RASSF3: variants seen among roughly 807,000 people sequenced by gnomAD.
The protein encoded by RASSF3 is Ras association domain family member 3.
Under a neutral mutation model 19.9 loss-of-function variants are expected in RASSF3, and 19 were observed. The observed-to-expected ratio is 0.96, with a 90% CI of 0.67 to 1.40. The LOEUF (loss-of-function observed/expected upper bound fraction) is 1.40. Among genes scored for constraint, RASSF3 ranks in the 40% most tolerant of loss-of-function variants. The probability of loss-of-function intolerance (pLI) is 0.00; values close to 1 mark genes in which losing one functional copy is unlikely to be tolerated. For synonymous variants in RASSF3, 110 were observed against 104.2 expected (o/e 1.06, Z -0.34); for missense variants, 306 against 289.8 (o/e 1.06, Z -0.41).
intron 2 of RASSF3, among the ~76,000 whole-genome samples, chr12:64,597,366 C>T (rs985382805): frequency 2.0e-5 from 3 of 151,950 alleles, no homozygotes; most frequent in Non-Finnish European, 4.4e-5. Flanking sequence ...TTCCTGACCT[C>T]GTGATCCACC....
intron 2 of RASSF3, among the ~76,000 whole-genome samples, chr12:64,597,171 T>C (rs2136143394): frequency 6.6e-6 from 1 of 152,114 alleles, no homozygotes; most frequent in East Asian, 1.9e-4. Flanking sequence ...CTTGCTCTGT[T>C]GCCCAGACTG....
chr12:64,679,862 C>T (rs1873055530), intron 1 of RASSF3, among the ~76,000 whole-genome samples: 2 of 152,186 alleles, frequency 1.3e-5, no homozygotes, highest in South Asian at 2.1e-4. Context: ...CGCTCTCAGG[C>T]GTGGCATGAT....
rs561233831 is a variant in RASSF3 at position 64,610,675 on chromosome 12, T to G, written c.43T>G (p.Phe15Val). The change falls in exon 1 of 5, where the codon TTC (phenylalanine) becomes GTC (valine). Residue 15 changes from phenylalanine to valine, a missense_variant. Transcript: ENST00000542104. ...CAGCCTGGAGGAGGACGCCGAGGACTTCTTCTTCACCGCCAGGACCTCCTT... is the reference window on the plus strand; with the variant it reads ...CAGCCTGGAGGAGGACGCCGAGGACGTCTTCTTCACCGCCAGGACCTCCTT... Reference protein sequence around the residue: ...YSSLEEDAEDFFFTARTSFFR... With the variant: ...YSSLEEDAEDVFFTARTSFFR... 8.8e-6 allele frequency: 14 copies of G among 1,592,932 alleles called. No homozygotes were observed. Among genetic ancestry groups the G allele is most frequent in the South Asian group, 7.9e-5 (7 of 89,020 alleles).
rs761558923 is a variant in RASSF3, at chr12:64,610,755, G to A, written c.111+12G>A. The A allele has an allele frequency of 1.6e-5, 25 of 1,559,206 alleles. No individual in the cohort carries two copies. The highest frequency in any genetic ancestry group is 2.0e-5 in the Non-Finnish European group (23 of 1,147,786). On this transcript the variant is annotated intron_variant, in intron 1 of 4. Coordinates refer to ENST00000542104, the MANE Select transcript of RASSF3 (RefSeq NM_178169.4). ...GCTCCGGCCAACAAGTGAGTGGCGC[G>A]CGGCGGGCGCTGCAGCCCGCGCCCC...
chr12:64,623,761 G>A (rs1870882006), intron 1 of RASSF3, among the ~76,000 whole-genome samples: 1 of 150,728 alleles, frequency 6.6e-6, no homozygotes, highest in African/African-American at 2.5e-5. Context: ...TCATGCCTCA[G>A]CTTCCCGAGT....
At chr12:64,598,215 G>A (rs972230646) in intron 2 of RASSF3, among the ~76,000 whole-genome samples, 8 of 152,142 alleles carry the variant, frequency 5.3e-5, no homozygotes, top group Admixed American at 1.3e-4. Context: ...CACCTTGCCC[G>A]GCCCTTGACC....
chr12:64,690,511 T>TGAA (rs1868266033), intron 3 of RASSF3, among the ~76,000 whole-genome samples: 1 of 152,012 alleles, frequency 6.6e-6, no homozygotes, highest in African/African-American at 2.4e-5. Context: ...CGTCTTACTC[T>TGAA]GTCACCTAGG....
At position 64,658,079 on chromosome 12, in the gene RASSF3, G is replaced by A. The variant is rs61583185; in HGVS notation, c.112-26708G>A. Reference sequence around the variant, plus strand: ...AAAAATAAATAAATTGTCAGGTTGCGTTATGCTCCCCTGTGGTAGAAGTGT... The same window carrying A: ...AAAAATAAATAAATTGTCAGGTTGCATTATGCTCCCCTGTGGTAGAAGTGT... On this transcript the variant is annotated intron_variant, in intron 1 of 4. Coordinates refer to ENST00000542104, the MANE Select transcript of RASSF3 (RefSeq NM_178169.4). 7.0e-3 allele frequency among the ~76,000 whole-genome samples: 1,070 copies of A among 152,196 alleles called. 15 individuals carry two copies. The highest frequency in any genetic ancestry group is 0.025 in the African/African-American group (1,029 of 41,520).
chr12:64,634,650 A>G (rs1871270716), intron 1 of RASSF3, among the ~76,000 whole-genome samples: 2 of 151,092 alleles, frequency 1.3e-5, no homozygotes, highest in African/African-American at 4.9e-5. Flanking sequence ...ATTCTCGGCT[A>G]CTCCGGAGGC....
At chr12:64,558,080 G>A (rs1409603425) in intron 2 of RASSF3, among the ~76,000 whole-genome samples, 2 of 152,248 alleles carry the variant, frequency 1.3e-5, no homozygotes, top group African/African-American at 4.8e-5. Context: ...CAATATAGTA[G>A]GCTTGCCAAA....
At position 64,641,414 on chromosome 12, in the gene RASSF3, A is replaced by ACACACACACACACACGCGCGCGCGCGCG; in HGVS notation, c.111+30672_111+30673insACACACACACACACGCGCGCGCGCGCGC. On this transcript the variant is annotated intron_variant, in intron 1 of 4. Coordinates refer to ENST00000542104, the MANE Select transcript of RASSF3 (RefSeq NM_178169.4). ...CTGTCTCACAGGCGCACACACACAC[A>ACACACACACACACACGCGCGCGCGCGCG]CGCGCGCGCGCGCGTTGAAAACAAA... 2.9e-3 allele frequency among the ~76,000 whole-genome samples: 408 copies of ACACACACACACACACGCGCGCGCGCGCG among 142,122 alleles called. 2 individuals are homozygous for ACACACACACACACACGCGCGCGCGCGCG. The highest frequency in any genetic ancestry group is 0.011 in the African/African-American group (388 of 35,688). The allele number at this position is 142,122 out of a possible 152,430, so 93.2% of individuals were successfully genotyped here.
At chr12:64,644,669 C>G (rs1050323170) in intron 1 of RASSF3, among the ~76,000 whole-genome samples, 9 of 150,392 alleles carry the variant, frequency 6.0e-5, no homozygotes, top group African/African-American at 2.2e-4. Context: ...TACACTCCAG[C>G]CTGGGCAGCA....
intron 1 of RASSF3, among the ~76,000 whole-genome samples, chr12:64,635,302 C>G (rs149940955): frequency 6.6e-6 from 1 of 152,048 alleles, no homozygotes; most frequent in Non-Finnish European, 1.5e-5. Context: ...GATGACCCCT[C>G]GTATCTGTAT....
intron 2 of RASSF3, among the ~76,000 whole-genome samples, chr12:64,601,743 G>T (rs777649121): frequency 6.6e-6 from 1 of 152,026 alleles, no homozygotes; most frequent in African/African-American, 2.4e-5. Flanking sequence ...ACCCTGGGAG[G>T]GGGAGGCTTC....
At chr12:64,571,213 A>AAAAAAT (rs1420404289) in intron 2 of RASSF3, among the ~76,000 whole-genome samples, 1 of 152,150 alleles carries the variant, frequency 6.6e-6, no homozygotes, top group Non-Finnish European at 1.5e-5. Context: ...CTCCATCTCA[A>AAAAAAT]AAAAATAAAA....
chr12:64,642,145 T>C (rs558852806), intron 1 of RASSF3, among the ~76,000 whole-genome samples: 1 of 152,332 alleles, frequency 6.6e-6, no homozygotes, highest in African/African-American at 2.4e-5. Context: ...TAAAATGTTC[T>C]GGTTGACAGC....
chr12:64,562,500 G>A (rs890541288), intron 2 of RASSF3, among the ~76,000 whole-genome samples: 3 of 152,054 alleles, frequency 2.0e-5, no homozygotes, highest in East Asian at 1.9e-4. Context: ...CATCCTTTCC[G>A]AAACTGCTCT....
intron 2 of RASSF3, among the ~76,000 whole-genome samples, chr12:64,561,531 G>A (rs902871794): frequency 4.0e-5 from 6 of 151,898 alleles, no homozygotes; most frequent in African/African-American, 1.5e-4. Context: ...CTCCCTGGAG[G>A]CAATAAAGTC....
rs994333538 is a variant in RASSF3, at chr12:64,696,470, G to T, written c.*1558G>T. 5 of 152,126 alleles carry T rather than the reference G, an allele frequency of 3.3e-5. No homozygotes were observed. Among genetic ancestry groups the T allele is most frequent in the African/African-American group, 1.2e-4 (5 of 41,422 alleles). The allele number at this position is 152,126 out of a possible 1,614,324, so 9.4% of individuals were successfully genotyped here. ...AAAGGTGTGCAGTGGTTCCAGAGGGGCCTTATATTCTATTTTTAGTCTAGA... is the reference window on the plus strand; with the variant it reads ...AAAGGTGTGCAGTGGTTCCAGAGGGTCCTTATATTCTATTTTTAGTCTAGA... On this transcript the variant is annotated 3_prime_UTR_variant, in exon 5 of 5. Coordinates refer to ENST00000542104, the MANE Select transcript of RASSF3 (RefSeq NM_178169.4).
Sources: allele counts gnomAD v4.1 joint callset (sites outside exome capture counted in the v4.1 genomes callset), GRCh38; gene constraint gnomAD v4.1.1; transcripts MANE v1.5; gene names NCBI Gene and HGNC (gene_info 2026-07-23, HGNC 2026-07-21).